Variants in SPTBN5 observed in about 807,000 individuals in gnomAD.
SPTBN5 encodes spectrin beta, non-erythrocytic 5.
Under a neutral mutation model 477.6 loss-of-function variants are expected in SPTBN5, and 513 were observed. That is an observed-to-expected ratio of 1.07 (90% CI 1.00 to 1.16). The LOEUF is 1.16. Ranked by LOEUF, SPTBN5 falls within the 50% of genes most tolerant of loss-of-function variation. SPTBN5 has a pLI of 0.00. For missense variants in SPTBN5, 5,062 were observed against 4,731.8 expected (o/e 1.07, Z -2.05); for synonymous variants, 2,169 against 2,011.7 (o/e 1.08, Z -2.09).
intron 27 of SPTBN5, 80 bp downstream of exon 27, chr15:41,872,222 C>T (rs1305964040): frequency 6.6e-7 from 1 of 1,515,342 alleles, no homozygotes; most frequent in African/African-American, 1.4e-5. Context: ...TTCTGATTGA[C>T]TTTGGGCCAT....
chr15:41,854,865 G>A lies in SPTBN5; in HGVS notation c.9535C>T (p.Arg3179Cys), dbSNP rs749433637. 1.7e-5 allele frequency: 27 copies of A among 1,609,386 alleles called. No individual in the cohort carries two copies. The highest frequency in any genetic ancestry group is 5.5e-5 in the South Asian group (5 of 90,626). ...AGTLERGAPR[R>C]YPHIQAQRSR... ...CTCTGGGCTTGGATGTGGGGATAGC[G>A]CCTGGGTGCACCCCGCTCCAGGGTG... The change falls in exon 56 of 68, where the codon CGC (arginine) becomes TGC (cysteine). Residue 3179 changes from arginine to cysteine, a missense_variant. Transcript: ENST00000320955.
chr15:41,853,973 A>T, intron 57 of SPTBN5, 77 bp downstream of exon 57: 1 of 1,481,400 alleles, frequency 6.8e-7, no homozygotes, highest in South Asian at 1.3e-5. Flanking sequence ...CTGGGGTGGG[A>T]GGGCTGAGAT....
intron 66 of SPTBN5, chr15:41,850,246 G>C (rs2065706870): frequency 2.4e-6 from 1 of 423,528 alleles, no homozygotes; most frequent in Non-Finnish European, 4.4e-6. Flanking sequence ...AGATCCCTTT[G>C]GGCTCCTGGG....
chr15:41,870,568 C>A lies in SPTBN5; in HGVS notation c.5448-8G>T. 1.2e-6 allele frequency: 2 copies of A among 1,603,148 alleles called. No individual in the cohort carries two copies. The highest frequency in any genetic ancestry group is 2.2e-5 in the East Asian group (1 of 44,814). The stretch of plus-strand genomic sequence containing the variant: ...AGCTCCGACCAGGCGGTCCTGCCCA[C>A]GGCGTGTGGAAGACCAGCCGGGGAT... On this transcript the variant is annotated splice_polypyrimidine_tract_variant and splice_region_variant and intron_variant, in intron 29 of 67. Coordinates refer to ENST00000320955, the MANE Select transcript of SPTBN5 (RefSeq NM_016642.4).
intron 47 of SPTBN5, among the ~76,000 whole-genome samples, chr15:41,859,439 G>A (rs773102134): frequency 1.3e-5 from 2 of 152,164 alleles, no homozygotes; most frequent in South Asian, 2.1e-4. Context: ...GTTTACAGGC[G>A]TGAACTACTG....
intron 9 of SPTBN5, 77 bp from the exon 10 acceptor site, chr15:41,882,815 C>T: frequency 6.6e-7 from 1 of 1,518,598 alleles, no homozygotes. Context: ...CGGGTTTAGA[C>T]ACTCCCCTTA....
chr15:41,879,994 G>A (rs1415989398), intron 14 of SPTBN5, 130 bp from the exon 15 acceptor site: 24 of 1,438,910 alleles, frequency 1.7e-5, no homozygotes, highest in Non-Finnish European at 2.2e-5. Context: ...TGGAAAGACA[G>A]CCATCCGAGT....
Position 41,882,735 on chromosome 15 carries a change from C to G in SPTBN5, c.1896G>C (p.Arg632=). 6.2e-7 allele frequency: 1 copy of G among 1,609,198 alleles called. No homozygotes were observed. Among genetic ancestry groups the G allele is most frequent in the Non-Finnish European group, 8.5e-7 (1 of 1,178,092 alleles). The part of the protein sequence containing the change: ...QSLVALVRAR[R]ALLEQTLQRA... ...GCTGCAGGGTCTGCTCCAGCAGGGCCCGCCTGAGGGACAATAGGGGCCACC... is the reference window on the plus strand; with the variant it reads ...GCTGCAGGGTCTGCTCCAGCAGGGCGCGCCTGAGGGACAATAGGGGCCACC... Residue 632 remains arginine, a synonymous_variant, in exon 10 of 68, where the codon CGG becomes CGC. Transcript: ENST00000320955.
chr15:41,848,601 G>T lies in SPTBN5; in HGVS notation c.*15C>A, dbSNP rs766056588. 1 of 1,613,908 alleles carries T rather than the reference G, an allele frequency of 6.2e-7. No individual in the cohort carries two copies. Among genetic ancestry groups the T allele is most frequent in the Non-Finnish European group, 8.5e-7 (1 of 1,179,786 alleles). On this transcript the variant is annotated 3_prime_UTR_variant, in exon 68 of 68. Coordinates refer to ENST00000320955, the MANE Select transcript of SPTBN5 (RefSeq NM_016642.4). ...GCTTGTGCCCCTGAAGTTTGGTGTT[G>T]CACTGGGGTTCACCTCAGGGATCAG...
At chr15:41,882,920 C>CT in intron 9 of SPTBN5, 76 bp downstream of exon 9, 1 of 1,434,424 alleles carries the variant, frequency 7.0e-7, no homozygotes, top group Non-Finnish European at 9.4e-7. Flanking sequence ...GCCAACAGTA[C>CT]TTTAACCTGG....
chr15:41,848,647 G>GAATTT lies in SPTBN5; in HGVS notation c.11013-24_11013-20dup. On this transcript the variant is annotated intron_variant, in intron 67 of 67. Transcript: ENST00000320955. ...ATCAGACCTGTTGGGAAAACGGAAT[G>GAATTT]AATTTAGTAGGGTATGGCCACCCCA... 1 of 1,613,816 alleles carries GAATTT rather than the reference G, an allele frequency of 6.2e-7. No homozygotes were observed.
chr15:41,875,336 A>T, intron 22 of SPTBN5, 122 bp downstream of exon 22: 1 of 1,237,528 alleles, frequency 8.1e-7, no homozygotes, highest in Non-Finnish European at 1.1e-6. Flanking sequence ...GTCCTAGGCC[A>T]GAAGCCTCCA....
rs200919786 is a variant in SPTBN5 at position 41,862,179 on chromosome 15, C to A, written c.7499G>T (p.Arg2500Leu). 1,078 of 1,607,136 alleles carry A rather than the reference C, an allele frequency of 6.7e-4. 4 individuals carry two copies. The highest frequency in any genetic ancestry group is 2.3e-3 in the Middle Eastern group (14 of 6,036). Residue 2500 changes from arginine to leucine, a missense_variant, in exon 44 of 68, where the codon CGC (arginine) becomes CTC (leucine). Transcript: ENST00000320955. ...RAQMDTSPAP[R>L]SPVEARRMLE... ...CATACGCCGGGCTTCCACAGGGCTG[C>A]GAGGAGCGGGGCTCGTGTCCATCTG...
At chr15:41,855,892 A>C (rs2065917843) in intron 53 of SPTBN5, 147 bp from the exon 54 acceptor site, 46 of 816,172 alleles carry the variant, frequency 5.6e-5, no homozygotes, top group Non-Finnish European at 7.4e-5. Context: ...AAGCAGCCTC[A>C]TCTGGTCCGG....
Position 41,873,932 on chromosome 15 carries a change from G to T in SPTBN5, c.4803C>A (p.Cys1601Ter). Residue 1601 changes from cysteine to a stop codon, truncating the protein, a stop_gained, in exon 25 of 68, where the codon TGC (cysteine) becomes TGA (stop). Coordinates refer to ENST00000320955, the MANE Select transcript of SPTBN5 (RefSeq NM_016642.4). LOFTEE classifies it high-confidence loss of function. ...CTGCCCAGTGGCCTTCCAGCTCCTG[G>T]CACTGCTCCACGATGTGTTGGGCTT... Reference protein sequence around the residue: ...HPQAQHIVEQCQELEGHWAEL... With the variant: ...HPQAQHIVEQ The T allele has an allele frequency of 3.1e-6, 5 of 1,610,578 alleles. No individual in the cohort carries two copies. Among genetic ancestry groups the T allele is most frequent in the Non-Finnish European group, 4.2e-6 (5 of 1,179,878 alleles).
chr15:41,865,742 C>T lies in SPTBN5; in HGVS notation c.6918+66G>A, dbSNP rs2066278577. On this transcript the variant is annotated intron_variant, in intron 39 of 67. Transcript: ENST00000320955. Reference sequence around the variant, plus strand: ...CCTGCTCTACAGCCCACACTCTTTCCCTGCTCTCAGTTGGATTTTCAGTGC... The same window carrying T: ...CCTGCTCTACAGCCCACACTCTTTCTCTGCTCTCAGTTGGATTTTCAGTGC... 2.8e-6 allele frequency: 4 copies of T among 1,415,752 alleles called. No homozygotes were observed. The South Asian group carries it at 3.9e-5, about 14-fold the overall frequency. 87.7% of individuals were successfully genotyped at this position (1,415,752 alleles called of 1,614,324 possible).
rs2066155170 is a variant in SPTBN5, at chr15:41,862,683, A to G, written c.7264-23T>C. 3.2e-6 allele frequency: 5 copies of G among 1,542,976 alleles called. No individual in the cohort carries two copies. The African/African-American group carries it at 4.1e-5, about 13-fold the overall frequency. ...GGACTGCGGGGGAAGCCGGGGTCAG[A>G]GGCTGGGGCAGGGGAGCTCTGGGCC... On this transcript the variant is annotated intron_variant, in intron 42 of 67. Coordinates refer to ENST00000320955, the MANE Select transcript of SPTBN5 (RefSeq NM_016642.4).
rs2066551323 is a variant in SPTBN5 at position 41,871,894 on chromosome 15, AG to A, written c.5188del (p.Leu1730Ter). ...ATRDRELEGT[L>X]RLHEFLREAE... ...CTCCCTCAGGAACTCATGCAGCCTC[AG>A]GGTCCCCTCCAGTTCCCGGTCCCTG... is the stretch of plus-strand genomic sequence containing the variant. On this transcript the variant is annotated frameshift_variant, in exon 28 of 68. Transcript: ENST00000320955. LOFTEE classifies it high-confidence loss of function. The A allele has an allele frequency of 3.2e-6, 5 of 1,584,430 alleles. No homozygotes were observed. In the South Asian group the frequency reaches 5.8e-5, roughly 18 times the overall value.
rs755563803 is a variant in SPTBN5 at position 41,851,097 on chromosome 15, C to T, written c.10797G>A (p.Leu3599=). The T allele has an allele frequency of 1.2e-6, 2 of 1,613,148 alleles. No individual in the cohort carries two copies. The highest frequency in any genetic ancestry group is 2.2e-5 in the East Asian group (1 of 44,874). The change falls in exon 65 of 68, where the codon CTG becomes CTA. Residue 3599 remains leucine (L), a synonymous_variant. Transcript: ENST00000320955. ...TGTGTTTCCTGCCGTGGCGGCCCCG[C>T]AGCCTCTCACACCGGGCTCCCGTGA... is the stretch of plus-strand genomic sequence containing the variant. The part of the protein sequence containing the change: ...LDLTGARCER[L]RGRHGRKHTF...
Sources: allele counts gnomAD v4.1 joint callset (sites outside exome capture counted in the v4.1 genomes callset), GRCh38; gene constraint gnomAD v4.1.1; transcripts MANE v1.5; gene names NCBI Gene and HGNC (gene_info 2026-07-23, HGNC 2026-07-21).